RFX3: variants seen among roughly 807,000 people sequenced by gnomAD.
The protein encoded by RFX3 is regulatory factor X3.
RFX3 carries 14 observed loss-of-function variants against 98.6 expected under a neutral mutation model. That is an observed-to-expected ratio of 0.14 (90% CI 0.09 to 0.22). The LOEUF is 0.22. Among genes scored for constraint, RFX3 ranks in the 10% least tolerant of loss-of-function variants. The pLI is 1.00. For synonymous variants in RFX3, 383 were observed against 328.4 expected (o/e 1.17, Z -1.80); for missense variants, 639 against 926.9 (o/e 0.69, Z 4.03).
chr9:3,428,233 A>G (rs1844303291), intron 1 of RFX3, among the ~76,000 whole-genome samples: 1 of 152,052 alleles, frequency 6.6e-6, no homozygotes, highest in South Asian at 2.1e-4. Context: ...CATTACTTTA[A>G]ACTGTTCTTA....
intron 14 of RFX3, among the ~76,000 whole-genome samples, chr9:3,254,940 C>A (rs1821913646): frequency 6.6e-6 from 1 of 152,114 alleles, no homozygotes; most frequent in Non-Finnish European, 1.5e-5. Flanking sequence ...TAATGTGCTT[C>A]TTGAATTATG....
At chr9:3,328,368 T>G (rs1428085744) in intron 4 of RFX3, among the ~76,000 whole-genome samples, 2 of 152,170 alleles carry the variant, frequency 1.3e-5, no homozygotes, top group Non-Finnish European at 2.9e-5. Context: ...GTGCTAAAGC[T>G]AGGAGGAAAC....
chr9:3,468,745 T>A (rs1848524750), intron 1 of RFX3, among the ~76,000 whole-genome samples: 1 of 149,128 alleles, frequency 6.7e-6, no homozygotes, highest in African/African-American at 2.5e-5. Context: ...GACCTAGACC[T>A]ATTTAAGTCA....
At position 3,505,251 on chromosome 9, in the gene RFX3, TGA is replaced by T. The variant is rs1564186920; in HGVS notation, c.-9+20494_-9+20495del. ...ATATGAATATATATTTATATATATA[TGA>T]ATATATATTTATATATATATGAATA... On this transcript the variant is annotated intron_variant, in intron 1 of 16. Transcript: ENST00000617270. Among the ~76,000 whole-genome samples the T allele has an allele frequency of 8.6e-4, 64 of 74,642 alleles. 6 individuals carry two copies. The highest frequency in any genetic ancestry group is 4.8e-3 in the African/African-American group (52 of 10,938). The allele number at this position is 74,642 out of a possible 152,430, so 49.0% of individuals were successfully genotyped here. A position where few individuals can be genotyped will look rare whatever the true frequency, so the allele number is the denominator to read the frequency against.
intron 1 of RFX3, among the ~76,000 whole-genome samples, chr9:3,481,596 A>G (rs1849768210): frequency 2.6e-5 from 4 of 152,028 alleles, no homozygotes; most frequent in Admixed American, 2.6e-4. Context: ...AAAATTACAT[A>G]CAAAAATCAC....
chr9:3,499,459 T>A (rs563006838), intron 1 of RFX3, among the ~76,000 whole-genome samples: 1 of 152,198 alleles, frequency 6.6e-6, no homozygotes, highest in East Asian at 1.9e-4. Flanking sequence ...TACCAGCCTA[T>A]CATATGCACA....
chr9:3,294,671 C>T (rs1049295505), intron 5 of RFX3, among the ~76,000 whole-genome samples: 1 of 152,038 alleles, frequency 6.6e-6, no homozygotes, highest in Non-Finnish European at 1.5e-5. Flanking sequence ...AACTGAATTT[C>T]CAAAAACCAT....
chr9:3,236,556 T>A (rs548258909), intron 15 of RFX3, among the ~76,000 whole-genome samples: 11 of 152,298 alleles, frequency 7.2e-5, no homozygotes, highest in East Asian at 3.9e-4. Flanking sequence ...AAGCCCTCTG[T>A]GTCAGCACTT....
At chr9:3,416,035 G>A (rs1564071786) in intron 1 of RFX3, among the ~76,000 whole-genome samples, 1 of 152,156 alleles carries the variant, frequency 6.6e-6, no homozygotes, top group Non-Finnish European at 1.5e-5. Flanking sequence ...ATGTTTCAAG[G>A]TGTAAATGAC....
chr9:3,366,682 CTTCTTTCTTTCCTTTCTTTCT>C (rs1837130888), intron 2 of RFX3, among the ~76,000 whole-genome samples: 1 of 69,970 alleles, frequency 1.4e-5, no homozygotes, highest in Non-Finnish European at 3.0e-5. Context: ...CTCTTTCTTT[CTTCTTTCTTTCCTTTCTTTCT>C]TTCTTTCTTT....
chr9:3,519,271 T>A (rs969607448), intron 1 of RFX3, among the ~76,000 whole-genome samples: 2 of 152,212 alleles, frequency 1.3e-5, no homozygotes, highest in Non-Finnish European at 2.9e-5. Flanking sequence ...TAATTCAGTG[T>A]GATAAGACTG....
At chr9:3,361,439 G>T (rs548878162) in intron 2 of RFX3, among the ~76,000 whole-genome samples, 1 of 152,018 alleles carries the variant, frequency 6.6e-6, no homozygotes, top group African/African-American at 2.4e-5. Flanking sequence ...GGGAAAAACT[G>T]ATTTTCTCTG....
intron 2 of RFX3, among the ~76,000 whole-genome samples, chr9:3,382,815 T>C (rs1839329875): frequency 1.3e-5 from 2 of 152,126 alleles, no homozygotes; most frequent in South Asian, 4.1e-4. Context: ...AACCTCAAAA[T>C]TTATTTTTCG....
chr9:3,440,729 G>C (rs1191500812), intron 1 of RFX3, among the ~76,000 whole-genome samples: 2 of 152,064 alleles, frequency 1.3e-5, no homozygotes, highest in East Asian at 3.8e-4. Context: ...AAATTGACAA[G>C]TTAACTCTAA....
At chr9:3,519,508 T>C (rs1818494996) in intron 1 of RFX3, among the ~76,000 whole-genome samples, 1 of 152,222 alleles carries the variant, frequency 6.6e-6, no homozygotes, top group Non-Finnish European at 1.5e-5. Context: ...CAACGCGTAT[T>C]GAACACATAT....
At chr9:3,504,827 A>ATAT in intron 1 of RFX3, among the ~76,000 whole-genome samples, 1 of 90,848 alleles carries the variant, frequency 1.1e-5, no homozygotes, top group African/African-American at 5.1e-5. Context: ...ATTATATATA[A>ATAT]AATATGTATA....
intron 1 of RFX3, among the ~76,000 whole-genome samples, chr9:3,460,379 G>T (rs947350617): frequency 1.3e-5 from 2 of 151,828 alleles, no homozygotes; most frequent in African/African-American, 4.8e-5. Context: ...ATCTATGCAT[G>T]GATGAAACTA....
chr9:3,496,940 T>A (rs1467469472), intron 1 of RFX3, among the ~76,000 whole-genome samples: 1 of 151,996 alleles, frequency 6.6e-6, no homozygotes, highest in Non-Finnish European at 1.5e-5. Context: ...ATTTCACAGA[T>A]CCATGCAAGT....
chr9:3,522,686 T>C (rs951880379), intron 1 of RFX3, among the ~76,000 whole-genome samples: 1 of 152,116 alleles, frequency 6.6e-6, no homozygotes, highest in Non-Finnish European at 1.5e-5. Flanking sequence ...ATCATTATAT[T>C]CTGCCTGCTA....
Sources: allele counts gnomAD v4.1 joint callset (sites outside exome capture counted in the v4.1 genomes callset), GRCh38; gene constraint gnomAD v4.1.1; transcripts MANE v1.5; gene names NCBI Gene and HGNC (gene_info 2026-07-23, HGNC 2026-07-21).